The following NEMP2 variants were observed in gnomAD, a reference collection of about 807,000 sequenced individuals.
NEMP2 encodes the protein nuclear envelope integral membrane protein 2, also known as UPF0571 transmembrane protein.
In NEMP2, 53 loss-of-function variants were observed where a neutral mutation model predicts 54.2. The observed-to-expected ratio is 0.98, with a 90% CI of 0.78 to 1.23. The LOEUF is 1.23. Ranked by LOEUF, NEMP2 falls within the 50% of genes most tolerant of loss-of-function variation. The pLI, the probability that NEMP2 is intolerant of heterozygous loss-of-function variation, is 0.00. For synonymous variants in NEMP2, 197 were observed against 190.3 expected (o/e 1.04, Z -0.29); for missense variants, 455 against 511.3 (o/e 0.89, Z 1.06).
At chr2:190,623,730 A>T in the NEMP2 span, among the ~76,000 whole-genome samples, 1 of 152,204 alleles carries the variant, frequency 6.6e-6, no homozygotes, top group African/African-American at 2.4e-5. Context: ...CATTGGGGGA[A>T]ATGCTTCGGG....
At position 190,517,530 on chromosome 2, in the gene NEMP2, A is replaced by C. The variant is rs908603941; in HGVS notation, c.602T>G (p.Phe201Cys). The C allele has an allele frequency of 1.9e-6, 3 of 1,549,156 alleles. No homozygotes were observed. The highest frequency in any genetic ancestry group is 2.6e-6 in the Non-Finnish European group (3 of 1,145,858). The stretch of plus-strand genomic sequence containing the variant: ...ACATAGTATGCCTACCTTCGGAATG[A>C]ATCTTTTCACCAACAGCAAGACAAA... Reference protein sequence around the residue: ...LVFVLLLVKRFIPKYSTFWAL... With the variant: ...LVFVLLLVKRCIPKYSTFWAL... The change falls in exon 5 of 9, where the codon TTC becomes TGC. Residue 201 changes from phenylalanine to cysteine, a missense_variant. Physicochemically the swap from Phe to Cys is radical, Grantham distance 205 (BLOSUM62 -2). Coordinates refer to ENST00000409150, the MANE Select transcript of NEMP2 (RefSeq NM_001142645.2).
the NEMP2 span, among the ~76,000 whole-genome samples, chr2:190,488,136 C>T: frequency 1.2e-4 from 18 of 152,246 alleles, no homozygotes; most frequent in Middle Eastern, 3.4e-3. This position sits in a 1 kb window ranked among gnomAD's most constrained non-coding sequence, Gnocchi z 6.4. Context: ...CTCCTGACCT[C>T]GTGATCCACC....
chr2:190,578,198 G>T, the NEMP2 span, among the ~76,000 whole-genome samples: 7 of 152,302 alleles, frequency 4.6e-5, no homozygotes, highest in South Asian at 1.4e-3. This position sits in a 1 kb window ranked among gnomAD's most constrained non-coding sequence, Gnocchi z 4.4. Flanking sequence ...AATGGACAGA[G>T]GAAAACTTGC....
the NEMP2 span, among the ~76,000 whole-genome samples, chr2:190,497,114 T>A: frequency 6.6e-6 from 1 of 152,230 alleles, no homozygotes; most frequent in Non-Finnish European, 1.5e-5. This position sits in a 1 kb window ranked among gnomAD's most constrained non-coding sequence, Gnocchi z 5.2. Context: ...GACGTCTTTT[T>A]AATCATAATC....
rs1176494574 is a variant in NEMP2, at chr2:190,531,146, T to C, written c.97+3413A>G. Among the ~76,000 whole-genome samples, 1 of 152,208 alleles carries C rather than the reference T, an allele frequency of 6.6e-6. No individual in the cohort carries two copies. On this transcript the variant is annotated intron_variant, in intron 1 of 8. Coordinates refer to ENST00000409150, the MANE Select transcript of NEMP2 (RefSeq NM_001142645.2). The surrounding 1 kb of genome is among the most constrained non-coding windows in gnomAD (Gnocchi z 4.7). ...CTAGGAATTTTTAAAAATCTAACAA[T>C]AATCATTCATTTGGTCAAAAGGGAA...
chr2:190,435,909 A>T, the NEMP2 span: 1 of 1,297,152 alleles, frequency 7.7e-7, no homozygotes, highest in Non-Finnish European at 1.0e-6. Context: ...ATTTCCTGCA[A>T]GATGAAGTTC....
chr2:190,482,903 T>TTTTTTTTTTTG, the NEMP2 span, among the ~76,000 whole-genome samples: 1,230 of 86,192 alleles, frequency 0.014, 429 homozygotes, highest in Middle Eastern at 0.022. Context: ...TTTTTTTTTT[T>TTTTTTTTTTTG]AGACGGAGTC....
At chr2:190,633,898 C>T in the NEMP2 span, among the ~76,000 whole-genome samples, 3 of 152,096 alleles carry the variant, frequency 2.0e-5, no homozygotes, top group African/African-American at 7.2e-5. Context: ...AAGCAAGACC[C>T]TGTCTCCACA....
the NEMP2 span, among the ~76,000 whole-genome samples, chr2:190,638,338 G>T: frequency 6.6e-6 from 1 of 151,866 alleles, no homozygotes; most frequent in East Asian, 1.9e-4. This position sits in a 1 kb window ranked among gnomAD's most constrained non-coding sequence, Gnocchi z 5.7. Flanking sequence ...GCCTATTTTT[G>T]ACCCTAGCAT....
At chr2:190,587,996 C>G in the NEMP2 span, among the ~76,000 whole-genome samples, 1 of 152,132 alleles carries the variant, frequency 6.6e-6, no homozygotes, top group Non-Finnish European at 1.5e-5. This position sits in a 1 kb window ranked among gnomAD's most constrained non-coding sequence, Gnocchi z 5.4. Context: ...GGGCAAAACC[C>G]AGACAAATCA....
At chr2:190,630,015 A>G in the NEMP2 span, among the ~76,000 whole-genome samples, 3 of 152,380 alleles carry the variant, frequency 2.0e-5, no homozygotes, top group African/African-American at 7.2e-5. The surrounding 1 kb of genome is among the most constrained non-coding windows in gnomAD (Gnocchi z 5.5). Context: ...CAAGCAGACC[A>G]TCAAGAACCA....
At chr2:190,430,371 T>G in the NEMP2 span, among the ~76,000 whole-genome samples, 2 of 151,312 alleles carry the variant, frequency 1.3e-5, no homozygotes, top group Non-Finnish European at 2.9e-5. Flanking sequence ...AGTGTTTGTG[T>G]CCCTGGGTAC....
chr2:190,449,935 A>G, the NEMP2 span, among the ~76,000 whole-genome samples: 7 of 152,168 alleles, frequency 4.6e-5, no homozygotes, highest in Non-Finnish European at 7.4e-5. Flanking sequence ...TAATGGGTGC[A>G]GCACACCAGC....
chr2:190,463,129 A>G, the NEMP2 span, among the ~76,000 whole-genome samples: 2 of 152,228 alleles, frequency 1.3e-5, no homozygotes, highest in African/African-American at 4.8e-5. The surrounding 1 kb of genome is among the most constrained non-coding windows in gnomAD (Gnocchi z 4.4). Flanking sequence ...GGGACACAGA[A>G]ATCCTGGCAA....
At chr2:190,423,182 C>T in the NEMP2 span, among the ~76,000 whole-genome samples, 1 of 152,194 alleles carries the variant, frequency 6.6e-6, no homozygotes, top group African/African-American at 2.4e-5. This position sits in a 1 kb window ranked among gnomAD's most constrained non-coding sequence, Gnocchi z 4.3. Flanking sequence ...AAAACTATAG[C>T]ATAATAGCAC....
At chr2:190,423,506 T>C in the NEMP2 span, among the ~76,000 whole-genome samples, 1 of 152,250 alleles carries the variant, frequency 6.6e-6, no homozygotes, top group African/African-American at 2.4e-5. This position sits in a 1 kb window ranked among gnomAD's most constrained non-coding sequence, Gnocchi z 4.3. Flanking sequence ...AGTAAAGCTG[T>C]AGTACAATTT....
the NEMP2 span, among the ~76,000 whole-genome samples, chr2:190,446,008 C>T: frequency 6.6e-6 from 1 of 152,064 alleles, no homozygotes; most frequent in African/African-American, 2.4e-5. Context: ...ATTATCCTGC[C>T]TCCTCCTTGA....
the NEMP2 span, among the ~76,000 whole-genome samples, chr2:190,603,213 A>G: frequency 1.3e-5 from 2 of 152,074 alleles, no homozygotes; most frequent in Admixed American, 1.3e-4. Flanking sequence ...GGAAGTGGGG[A>G]TGGAAGCAAT....
the NEMP2 span, among the ~76,000 whole-genome samples, chr2:190,556,838 A>C: frequency 2.6e-5 from 4 of 152,232 alleles, no homozygotes; most frequent in African/African-American, 9.6e-5. Context: ...ACACAAACAA[A>C]TGGAAAAACA....
Sources: gnomAD v4.1 joint callset for allele counts (sites outside exome capture counted in the v4.1 genomes callset) on GRCh38, gnomAD v4.1.1 for gene constraint, Gnocchi (gnomAD v3.1) non-coding constraint, MANE v1.5 for transcripts, NCBI Gene and HGNC (gene_info 2026-07-23, HGNC 2026-07-21) for gene names.